EFCAB8: variants seen among roughly 807,000 people sequenced by gnomAD.
The protein encoded by EFCAB8 is EF-hand calcium-binding domain-containing protein 8.
Under a neutral mutation model 116.3 loss-of-function variants are expected in EFCAB8, and 100 were observed. The observed-to-expected ratio is 0.86, with a 90% confidence interval of 0.73 to 1.02. EFCAB8 has a LOEUF of 1.02. EFCAB8 is among the 50% of genes least tolerant of loss of function. The pLI, the probability that EFCAB8 is intolerant of heterozygous loss-of-function variation, is 0.00. For missense variants in EFCAB8, 1,320 were observed against 1,416.9 expected (o/e 0.93, Z 1.10); for synonymous variants, 558 against 567.9 (o/e 0.98, Z 0.25).
chr20:32,917,548 C>T (rs73116348), intron 18 of EFCAB8, 43 bp downstream of exon 18: 66,074 of 1,009,222 alleles, frequency 0.065, 1,666 homozygotes, highest in Non-Finnish European at 0.08. Context: ...CTTCTCTCAG[C>T]TGTGAACCAG....
intron 20 of EFCAB8, among the ~76,000 whole-genome samples, chr20:32,926,743 G>A (rs368511692): frequency 2.0e-4 from 28 of 140,478 alleles, no homozygotes; most frequent in Middle Eastern, 3.8e-3. Context: ...TCCCACCTAT[G>A]AGTGAGAATA....
intron 6 of EFCAB8, 69 bp downstream of exon 6, chr20:32,885,709 G>T: frequency 6.6e-7 from 1 of 1,523,596 alleles, no homozygotes; most frequent in Non-Finnish European, 8.9e-7. Context: ...CACCCCCATG[G>T]TGAAGGTGAC....
intron 17 of EFCAB8, among the ~76,000 whole-genome samples, chr20:32,916,244 T>C (rs1423680108): frequency 6.6e-6 from 1 of 152,132 alleles, no homozygotes; most frequent in Non-Finnish European, 1.5e-5. Flanking sequence ...GGGATCTCTC[T>C]GGGCCTCTTA....
At chr20:32,896,681 C>T (rs1230885179) in intron 10 of EFCAB8, among the ~76,000 whole-genome samples, 154 bp downstream of exon 10, 5 of 152,178 alleles carry the variant, frequency 3.3e-5, no homozygotes, top group African/African-American at 1.2e-4. Flanking sequence ...TGTTGGATCC[C>T]GTCAGCTCTA....
In EFCAB8 at chr20:32,878,815, G is replaced by A; in HGVS notation, c.431+8G>A. 1 of 1,551,706 alleles carries A rather than the reference G, an allele frequency of 6.4e-7. No individual in the cohort carries two copies. Among genetic ancestry groups the A allele is most frequent in the Admixed American group, 2.0e-5 (1 of 50,990 alleles). On this transcript the variant is annotated splice_region_variant and intron_variant, in intron 5 of 26. Transcript: ENST00000400522. Reference sequence around the variant, plus strand: ...CATGACGGTCGTCCCCCTGTAAGGAGCCTCTTCCTGGGCCTTGGTGGGTGG... The same window carrying A: ...CATGACGGTCGTCCCCCTGTAAGGAACCTCTTCCTGGGCCTTGGTGGGTGG...
At chr20:32,908,210 G>T (rs768501765) in intron 13 of EFCAB8, 65 bp from the exon 14 acceptor site, 5 of 1,245,570 alleles carry the variant, frequency 4.0e-6, no homozygotes, top group Non-Finnish European at 4.0e-6. Flanking sequence ...CACCCCCGAG[G>T]CTTCAGGAGC....
intron 13 of EFCAB8, among the ~76,000 whole-genome samples, chr20:32,907,422 C>A (rs1986728487): frequency 6.6e-6 from 1 of 152,238 alleles, no homozygotes. Flanking sequence ...GGCTGCCTGG[C>A]CATGAGGGCT....
intron 13 of EFCAB8, among the ~76,000 whole-genome samples, chr20:32,907,412 G>A (rs180844405): frequency 1.3e-3 from 203 of 152,304 alleles, no homozygotes; most frequent in South Asian, 2.5e-3. Flanking sequence ...ACCCCTCCTC[G>A]GCTGCCTGGC....
At chr20:32,957,723 C>T (rs1257989850) in intron 23 of EFCAB8, among the ~76,000 whole-genome samples, 1 of 152,088 alleles carries the variant, frequency 6.6e-6, no homozygotes, top group Non-Finnish European at 1.5e-5. Flanking sequence ...GCTGGTTTCT[C>T]TCTCTCTAAG....
chr20:32,911,794 G>C, intron 16 of EFCAB8, 87 bp downstream of exon 16: 1 of 1,318,416 alleles, frequency 7.6e-7, no homozygotes. Flanking sequence ...ACTATTTTTT[G>C]TACCTCTCTG....
intron 6 of EFCAB8, among the ~76,000 whole-genome samples, chr20:32,887,400 A>G (rs987426930): frequency 2.0e-5 from 3 of 152,058 alleles, no homozygotes; most frequent in Non-Finnish European, 4.4e-5. Context: ...CCATGGTGAA[A>G]CCCCGTCTCT....
At chr20:32,925,021 G>A (rs1987617239) in intron 20 of EFCAB8, among the ~76,000 whole-genome samples, 1 of 152,116 alleles carries the variant, frequency 6.6e-6, no homozygotes, top group African/African-American at 2.4e-5. Context: ...TTCCTTAGTG[G>A]AAGAGAGGCT....
chr20:32,954,804 CT>C (rs1249892167), intron 23 of EFCAB8, among the ~76,000 whole-genome samples: 1 of 152,156 alleles, frequency 6.6e-6, no homozygotes, highest in Non-Finnish European at 1.5e-5. Flanking sequence ...AATCATATAG[CT>C]TTTGTCCTTT....
intron 22 of EFCAB8, among the ~76,000 whole-genome samples, chr20:32,934,287 T>TC (rs34385534): frequency 0.23 from 34,490 of 152,028 alleles, 4,335 homozygotes; most frequent in Middle Eastern, 0.32. Context: ...GGATTTTTTT[T>TC]CTCTTTTAAG....
chr20:32,939,103 TCCTTTCTTTCTCTCTTTCTTTC>T (rs1405795449), intron 22 of EFCAB8, among the ~76,000 whole-genome samples: 2 of 139,252 alleles, frequency 1.4e-5, no homozygotes, highest in East Asian at 4.3e-4. Flanking sequence ...TTTCCTTCCT[TCCTTTCTTTCTCTCTTTCTTTC>T]TCTTTCTTTC....
At position 32,938,474 on chromosome 20, in the gene EFCAB8, A is replaced by G. The variant is rs113448860; in HGVS notation, c.2791-5162A>G. Among the ~76,000 whole-genome samples, 47 of 150,040 alleles carry G rather than the reference A, an allele frequency of 3.1e-4. 3 individuals carry two copies. Among genetic ancestry groups the G allele is most frequent in the Middle Eastern group, 3.4e-3 (1 of 294 alleles). On this transcript the variant is annotated intron_variant, in intron 22 of 26. Coordinates refer to ENST00000400522, the MANE Select transcript of EFCAB8 (RefSeq NM_001143967.2). ...AGTTAGGCAAGAAAATGAAATAAAA[A>G]GTATCTATATTGGGGAGGAAGAAGT...
At chr20:32,893,325 A>C (rs934475650) in intron 9 of EFCAB8, 27 bp downstream of exon 9, 14 of 1,551,276 alleles carry the variant, frequency 9.0e-6, no homozygotes, top group South Asian at 1.2e-5. Flanking sequence ...GGAAGGGGGC[A>C]GAGGCCTGGG....
chr20:32,940,279 A>G (rs1988365314), intron 22 of EFCAB8, among the ~76,000 whole-genome samples: 1 of 149,392 alleles, frequency 6.7e-6, no homozygotes, highest in Non-Finnish European at 1.5e-5. Context: ...TCACATTATG[A>G]TCAATTGATT....
intron 22 of EFCAB8, among the ~76,000 whole-genome samples, chr20:32,934,359 G>A (rs1307057735): frequency 6.6e-6 from 1 of 152,006 alleles, no homozygotes; most frequent in Non-Finnish European, 1.5e-5. Flanking sequence ...TCCACTGATG[G>A]CCCCTTAGGT....
Sources: allele counts gnomAD v4.1 joint callset (sites outside exome capture counted in the v4.1 genomes callset), GRCh38; gene constraint gnomAD v4.1.1; transcripts MANE v1.5; gene names NCBI Gene and HGNC (gene_info 2026-07-23, HGNC 2026-07-21).